Variants in USO1 observed in about 807,000 individuals in gnomAD.
USO1 encodes the protein general vesicular transport factor p115.
In USO1, 57 loss-of-function variants were observed where a neutral mutation model predicts 124.5. The ratio of observed to expected loss-of-function variants is 0.46; its 90% CI spans 0.37 to 0.57. USO1 has a LOEUF of 0.57. Among genes scored for constraint, USO1 ranks in the 20% least tolerant of loss-of-function variants. USO1 has a pLI of 0.00. For missense variants in USO1, 900 were observed against 1,040.6 expected (o/e 0.86, Z 1.86); for synonymous variants, 369 against 362.8 (o/e 1.02, Z -0.19).
intron 16 of USO1, 123 bp downstream of exon 16, chr4:75,800,922 G>C (rs1722831289): frequency 1.4e-6 from 2 of 1,435,648 alleles, no homozygotes; most frequent in Non-Finnish European, 1.8e-6. Flanking sequence ...CCTAGCTCTT[G>C]ATCTGTAGCC....
chr4:75,750,579 G>C (rs1470391250), intron 1 of USO1, among the ~76,000 whole-genome samples: 1 of 152,064 alleles, frequency 6.6e-6, no homozygotes, highest in African/African-American at 2.4e-5. Flanking sequence ...TGCCTCCCGG[G>C]TTCAAGCGAT....
intron 13 of USO1, chr4:75,795,324 T>A (rs1450761576): frequency 1.4e-6 from 1 of 702,408 alleles, no homozygotes; most frequent in Non-Finnish European, 2.6e-6. Context: ...ATTTGTAATG[T>A]ATAATTTGCA....
intron 8 of USO1, among the ~76,000 whole-genome samples, chr4:75,776,339 T>A (rs1344599195): frequency 6.6e-6 from 1 of 152,182 alleles, no homozygotes; most frequent in African/African-American, 2.4e-5. Flanking sequence ...TTTCAAGATA[T>A]AATTGGGTTA....
intron 1 of USO1, among the ~76,000 whole-genome samples, chr4:75,732,030 GT>G (rs1720646753): frequency 6.6e-6 from 1 of 152,088 alleles, no homozygotes; most frequent in South Asian, 2.1e-4. Context: ...TAACTTTAAA[GT>G]TTTAGAAGGT....
At chr4:75,789,573 C>A (rs1345965855) in intron 10 of USO1, among the ~76,000 whole-genome samples, 10 of 152,134 alleles carry the variant, frequency 6.6e-5, no homozygotes, top group Non-Finnish European at 1.5e-4. Flanking sequence ...CCACGCCTGG[C>A]CTCTTTTCTG....
intron 19 of USO1, 33 bp downstream of exon 19, chr4:75,805,336 G>C (rs1296543772): frequency 5.3e-6 from 8 of 1,502,626 alleles, no homozygotes; most frequent in South Asian, 1.4e-5. Flanking sequence ...TAAAATAAGA[G>C]TTCAAGAGTG....
chr4:75,748,735 G>GTTA (rs1384999929), intron 1 of USO1, among the ~76,000 whole-genome samples: 2 of 152,006 alleles, frequency 1.3e-5, no homozygotes, highest in African/African-American at 4.8e-5. Context: ...CTAAGACTAA[G>GTTA]AAGAAGCAGA....
At chr4:75,731,975 G>A (rs182909140) in intron 1 of USO1, among the ~76,000 whole-genome samples, 161 of 152,246 alleles carry the variant, frequency 1.1e-3, no homozygotes, top group African/African-American at 3.7e-3. Context: ...ATAAGCAAAT[G>A]TGTTTATGAA....
intron 13 of USO1, chr4:75,795,503 A>T: frequency 9.5e-6 from 6 of 632,798 alleles, no homozygotes; most frequent in Non-Finnish European, 1.7e-5. Context: ...ATTTATTTCT[A>T]TTGTAAATGG....
chr4:75,728,831 C>T (rs1157181005), intron 1 of USO1, among the ~76,000 whole-genome samples: 1 of 152,124 alleles, frequency 6.6e-6, no homozygotes, highest in Non-Finnish European at 1.5e-5. Flanking sequence ...CAGAGTCTCG[C>T]TCTGTGGCCC....
At chr4:75,730,244 G>A (rs572648690) in intron 1 of USO1, among the ~76,000 whole-genome samples, 19 of 152,148 alleles carry the variant, frequency 1.2e-4, no homozygotes, top group South Asian at 8.3e-4. Context: ...TATACATGCC[G>A]TAGCATTACC....
At chr4:75,768,202 G>T (rs1721822816) in intron 4 of USO1, among the ~76,000 whole-genome samples, 2 of 152,040 alleles carry the variant, frequency 1.3e-5, no homozygotes, top group South Asian at 4.1e-4. Context: ...TTTTTGTAGA[G>T]ACAAGTTCTC....
In USO1 at chr4:75,814,063, C is replaced by T. The variant is rs1264296836; in HGVS notation, c.*768C>T. The T allele has an allele frequency of 6.6e-6, 1 of 152,068 alleles. No homozygotes were observed. Among genetic ancestry groups the T allele is most frequent in the South Asian group, 2.1e-4 (1 of 4,822 alleles). 9.4% of individuals were successfully genotyped at this position (152,068 alleles called of 1,614,324 possible). On this transcript the variant is annotated 3_prime_UTR_variant, in exon 24 of 24. Transcript: ENST00000514213. Reference sequence around the variant, plus strand: ...TGTTTATCATAAAACATATTATGTTCCTAGTTTTAAAAAGACCCAAAGTAT... The same window carrying T: ...TGTTTATCATAAAACATATTATGTTTCTAGTTTTAAAAAGACCCAAAGTAT...
At chr4:75,799,483 T>C in intron 13 of USO1, 139 bp from the exon 14 acceptor site, 1 of 968,192 alleles carries the variant, frequency 1.0e-6, no homozygotes, top group Non-Finnish European at 1.5e-6. Context: ...CTTGTTTAGT[T>C]TTTTAAAACT....
chr4:75,785,865 A>G (rs147135022), intron 9 of USO1, among the ~76,000 whole-genome samples: 15 of 152,278 alleles, frequency 9.9e-5, no homozygotes, highest in African/African-American at 3.6e-4. Flanking sequence ...AAGGAAAAGA[A>G]GTAGTAAGGA....
chr4:75,730,850 T>C (rs1287399127), intron 1 of USO1, among the ~76,000 whole-genome samples: 1 of 152,106 alleles, frequency 6.6e-6, no homozygotes, highest in East Asian at 1.9e-4. Flanking sequence ...GCTCACAATA[T>C]GTTGCCCAGG....
In USO1 at chr4:75,774,670, C is replaced by T. The variant is rs1722022957; in HGVS notation, c.556-6C>T. 1 of 1,609,422 alleles carries T rather than the reference C, an allele frequency of 6.2e-7. No homozygotes were observed. The highest frequency in any genetic ancestry group is 8.5e-7 in the Non-Finnish European group (1 of 1,178,130). ...CTCCACTAAACATTCTCTTTCTTCT[C>T]TATAGGGCGTCTTACTACTGCAGGC... On this transcript the variant is annotated splice_region_variant and splice_polypyrimidine_tract_variant and intron_variant, in intron 7 of 23. Coordinates refer to ENST00000514213, the MANE Select transcript of USO1 (RefSeq NM_003715.4).
intron 22 of USO1, among the ~76,000 whole-genome samples, chr4:75,811,208 T>A (rs1013722030): frequency 2.6e-5 from 4 of 151,848 alleles, no homozygotes; most frequent in African/African-American, 4.8e-5. Flanking sequence ...CTGGATGGAG[T>A]GCAGTGGCAT....
chr4:75,787,139 G>A lies in USO1; in HGVS notation c.933G>A (p.Gly311=), dbSNP rs1193020246. The part of the protein sequence containing the change: ...SSCQKAMFQC[G]LLQQLCTILM... ...GCCAGAAGGCTATGTTCCAGTGTGG[G>A]TTATTGCAGCAGCTTTGTACTATCC... The change falls in exon 10 of 24, where the codon GGG becomes GGA. Residue 311 remains glycine, a synonymous_variant. Transcript: ENST00000514213. 1 of 1,607,322 alleles carries A rather than the reference G, an allele frequency of 6.2e-7. No homozygotes were observed. The highest frequency in any genetic ancestry group is 8.5e-7 in the Non-Finnish European group (1 of 1,177,122).
Sources: allele counts gnomAD v4.1 joint callset (sites outside exome capture counted in the v4.1 genomes callset), GRCh38; gene constraint gnomAD v4.1.1; transcripts MANE v1.5; gene names NCBI Gene and HGNC (gene_info 2026-07-23, HGNC 2026-07-21).